LHFPL6: variants seen among roughly 807,000 people sequenced by gnomAD.
LHFPL6 encodes LHFPL tetraspan subfamily member 6 protein.
Under a neutral mutation model 20.6 loss-of-function variants are expected in LHFPL6, and 9 were observed. That is an observed-to-expected ratio of 0.44 (90% confidence interval 0.26 to 0.76). The LOEUF (loss-of-function observed/expected upper bound fraction) is 0.76. Among genes scored for constraint, LHFPL6 ranks in the 30% least tolerant of loss-of-function variants. LHFPL6 has a pLI of 0.20. For missense variants in LHFPL6, 218 were observed against 253.5 expected (o/e 0.86, Z 0.95); for synonymous variants, 105 against 98.7 (o/e 1.06, Z -0.38).
At chr13:39,359,440 A>T (rs534072955) in intron 3 of LHFPL6, among the ~76,000 whole-genome samples, 72 of 152,326 alleles carry the variant, frequency 4.7e-4, no homozygotes, top group African/African-American at 1.7e-3. Flanking sequence ...TGGATTGGGT[A>T]AAGAAAATAT....
At chr13:39,432,610 C>T (rs1000460775) in intron 2 of LHFPL6, among the ~76,000 whole-genome samples, 5 of 152,168 alleles carry the variant, frequency 3.3e-5, no homozygotes, top group African/African-American at 1.2e-4. Flanking sequence ...CACCTCCATC[C>T]CAGGCAGTTC....
chr13:39,550,006 A>T (rs1397202439), intron 2 of LHFPL6, among the ~76,000 whole-genome samples: 1 of 152,068 alleles, frequency 6.6e-6, no homozygotes, highest in Non-Finnish European at 1.5e-5. Context: ...AATGCCAATA[A>T]ATGGGTGTTG....
Position 39,464,304 on chromosome 13 carries a change from C to A in LHFPL6, c.386-85778G>T, listed in dbSNP as rs551641016. 5.3e-5 allele frequency among the ~76,000 whole-genome samples: 8 copies of A among 152,162 alleles called. No individual in the cohort carries two copies. In the East Asian group the frequency reaches 1.5e-3, roughly 29 times the overall value. ...TTCCAATGATAATTTTGATACAAAC[C>A]AATAAATTGAGGTGCTGATGGAAAT... On this transcript the variant is annotated intron_variant, in intron 2 of 3. Coordinates refer to ENST00000379589, the MANE Select transcript of LHFPL6 (RefSeq NM_005780.3).
At chr13:39,394,570 G>A (rs923219694) in intron 2 of LHFPL6, among the ~76,000 whole-genome samples, 1 of 152,094 alleles carries the variant, frequency 6.6e-6, no homozygotes, top group African/African-American at 2.4e-5. Context: ...TCTGAAACAG[G>A]TTTTCCTTGT....
At chr13:39,435,273 G>A in intron 2 of LHFPL6, among the ~76,000 whole-genome samples, 1 of 151,904 alleles carries the variant, frequency 6.6e-6, no homozygotes, top group South Asian at 2.1e-4. Flanking sequence ...AAGTATTGTT[G>A]TCCAGACTTG....
At chr13:39,406,755 T>C (rs1321873007) in intron 2 of LHFPL6, among the ~76,000 whole-genome samples, 4 of 152,236 alleles carry the variant, frequency 2.6e-5, no homozygotes, top group Admixed American at 6.5e-5. Flanking sequence ...AAGCATTTAA[T>C]ATTATGGGGT....
At chr13:39,572,288 CTGTGTGTGTGTGTGTGTG>C (rs3222813) in intron 2 of LHFPL6, among the ~76,000 whole-genome samples, 6 of 143,508 alleles carry the variant, frequency 4.2e-5, no homozygotes, top group South Asian at 4.7e-4. Flanking sequence ...TTTTTAAACT[CTGTGTGTGTGTGTGTGTG>C]TGTGTGTGTG....
At chr13:39,443,435 T>A (rs1310881282) in intron 2 of LHFPL6, among the ~76,000 whole-genome samples, 1 of 152,168 alleles carries the variant, frequency 6.6e-6, no homozygotes. Context: ...ATGGGGTTGT[T>A]ACTGTAACAA....
intron 2 of LHFPL6, among the ~76,000 whole-genome samples, chr13:39,570,370 C>T (rs1233872365): frequency 6.6e-6 from 1 of 152,084 alleles, no homozygotes; most frequent in Non-Finnish European, 1.5e-5. Context: ...GTCTCAAACT[C>T]CTGGGCTCAA....
At chr13:39,478,657 T>C (rs1868392203) in intron 2 of LHFPL6, among the ~76,000 whole-genome samples, 1 of 152,118 alleles carries the variant, frequency 6.6e-6, no homozygotes. Flanking sequence ...CCAGGGTGGA[T>C]GGGCATCATC....
At chr13:39,575,542 A>G (rs1452425484) in intron 2 of LHFPL6, among the ~76,000 whole-genome samples, 1 of 152,208 alleles carries the variant, frequency 6.6e-6, no homozygotes, top group African/African-American at 2.4e-5. Flanking sequence ...AAGAAGTCCA[A>G]GTGGCCAGAT....
intron 2 of LHFPL6, among the ~76,000 whole-genome samples, chr13:39,506,106 T>C (rs531700508): frequency 6.6e-6 from 1 of 152,318 alleles, no homozygotes; most frequent in South Asian, 2.1e-4. Context: ...TATAATAATA[T>C]GGTTTTATAC....
chr13:39,574,579 G>A (rs1872051232), intron 2 of LHFPL6, among the ~76,000 whole-genome samples: 1 of 151,722 alleles, frequency 6.6e-6, no homozygotes, highest in Non-Finnish European at 1.5e-5. Flanking sequence ...TTCATTAATT[G>A]ATTATTCAAC....
chr13:39,556,488 C>T (rs750623034), intron 2 of LHFPL6, among the ~76,000 whole-genome samples: 2 of 152,168 alleles, frequency 1.3e-5, no homozygotes, highest in Admixed American at 6.5e-5. Context: ...AAGAACTTGG[C>T]TGTACTGTGT....
At chr13:39,387,672 C>T (rs1159602437) in intron 2 of LHFPL6, among the ~76,000 whole-genome samples, 1 of 151,748 alleles carries the variant, frequency 6.6e-6, no homozygotes, top group Non-Finnish European at 1.5e-5. Flanking sequence ...CAGGGACAAA[C>T]ATCCAGGTTG....
At chr13:39,455,416 G>C (rs973221812) in intron 2 of LHFPL6, among the ~76,000 whole-genome samples, 4 of 152,098 alleles carry the variant, frequency 2.6e-5, no homozygotes, top group African/African-American at 4.8e-5. Flanking sequence ...AAGGAGAAAA[G>C]GTGTGGTTTT....
chr13:39,345,708 T>C (rs1385411721), intron 3 of LHFPL6, among the ~76,000 whole-genome samples: 4 of 151,978 alleles, frequency 2.6e-5, no homozygotes, highest in South Asian at 2.1e-4. Flanking sequence ...ACAATGCCTA[T>C]GGCATAGATA....
intron 2 of LHFPL6, among the ~76,000 whole-genome samples, chr13:39,505,209 A>G (rs79846099): frequency 6.6e-6 from 1 of 152,220 alleles, no homozygotes; most frequent in African/African-American, 2.4e-5. Flanking sequence ...GTTTAACATC[A>G]ATCAGGTATA....
intron 2 of LHFPL6, among the ~76,000 whole-genome samples, chr13:39,399,127 G>A (rs1203081439): frequency 1.3e-5 from 2 of 152,204 alleles, no homozygotes; most frequent in Non-Finnish European, 2.9e-5. Context: ...TGGTTATCCA[G>A]ACACCATAAA....
Sources: allele counts gnomAD v4.1 joint callset (sites outside exome capture counted in the v4.1 genomes callset), GRCh38; gene constraint gnomAD v4.1.1; transcripts MANE v1.5; gene names NCBI Gene and HGNC (gene_info 2026-07-23, HGNC 2026-07-21).